The following SGCD variants were observed in gnomAD, a reference collection of about 807,000 sequenced individuals.
SGCD encodes sarcoglycan delta.
Under a neutral mutation model 36.6 loss-of-function variants are expected in SGCD, and 18 were observed. The observed-to-expected ratio is 0.49, with a 90% CI of 0.34 to 0.73. The LOEUF (loss-of-function observed/expected upper bound fraction) is 0.73, where lower values mean the gene tolerates loss of function less well. Ranked by LOEUF, SGCD falls within the 30% of genes least tolerant of loss-of-function variation. SGCD has a pLI of 0.01. For synonymous variants in SGCD, 133 were observed against 130.6 expected (o/e 1.02, Z -0.12); for missense variants, 387 against 346.7 (o/e 1.12, Z -0.92).
chr5:156,681,100 C>T (rs1273910257), intron 7 of SGCD, among the ~76,000 whole-genome samples: 2 of 152,202 alleles, frequency 1.3e-5, no homozygotes, highest in African/African-American at 4.8e-5. Flanking sequence ...GGCCAAGTGC[C>T]AATCAGATCA....
At chr5:155,947,293 T>TTGTGTG (rs56192140) in intron 1 of SGCD, among the ~76,000 whole-genome samples, 9 of 138,908 alleles carry the variant, frequency 6.5e-5, no homozygotes, top group South Asian at 2.5e-4. Context: ...ATAAATACTC[T>TTGTGTG]TGTGTGTGTG....
At chr5:156,304,616 G>T (rs1236775170) in intron 3 of SGCD, among the ~76,000 whole-genome samples, 1 of 152,164 alleles carries the variant, frequency 6.6e-6, no homozygotes. Flanking sequence ...CCAGTAGAGT[G>T]GGGCACTGCT....
intron 3 of SGCD, among the ~76,000 whole-genome samples, chr5:156,494,466 A>C (rs1258568299): frequency 6.6e-6 from 1 of 152,044 alleles, no homozygotes; most frequent in Non-Finnish European, 1.5e-5. Context: ...AAATTCCAAA[A>C]AAAAATTATT....
the SGCD span, among the ~76,000 whole-genome samples, chr5:155,770,935 A>G: frequency 6.6e-6 from 1 of 152,164 alleles, no homozygotes; most frequent in African/African-American, 2.4e-5. Flanking sequence ...ATCTCTCTTA[A>G]GTATTCTGGA....
intron 1 of SGCD, among the ~76,000 whole-genome samples, chr5:156,084,214 T>C (rs913787052): frequency 6.6e-6 from 1 of 152,214 alleles, no homozygotes; most frequent in African/African-American, 2.4e-5. Flanking sequence ...TGATAAATAG[T>C]CCATTCTATG....
At chr5:156,551,933 C>A (rs540910793) in intron 4 of SGCD, among the ~76,000 whole-genome samples, 1 of 152,260 alleles carries the variant, frequency 6.6e-6, no homozygotes, top group Admixed American at 6.5e-5. Flanking sequence ...CCTTTTCTAA[C>A]CGACCTGAAA....
At chr5:156,509,305 A>G (rs1333650536) in intron 4 of SGCD, among the ~76,000 whole-genome samples, 2 of 152,116 alleles carry the variant, frequency 1.3e-5, no homozygotes, top group African/African-American at 4.8e-5. Flanking sequence ...AGCACCTGTA[A>G]TCTTAGCTAC....
intron 3 of SGCD, among the ~76,000 whole-genome samples, chr5:156,437,736 G>A (rs1006244529): frequency 6.6e-6 from 1 of 152,158 alleles, no homozygotes. Context: ...CAGCCAACAG[G>A]GGAGATGGCA....
chr5:156,123,938 G>C (rs1044672181), exon 3 of SGCD: 1 of 152,128 alleles, frequency 6.6e-6, no homozygotes, highest in African/African-American at 2.4e-5. Flanking sequence ...CGTCCCTTTT[G>C]TGGTGGCCTG....
intron 7 of SGCD, among the ~76,000 whole-genome samples, chr5:156,697,602 T>C (rs1004946960): frequency 3.9e-5 from 6 of 152,240 alleles, no homozygotes; most frequent in Admixed American, 6.5e-5. Flanking sequence ...GCTCATATAC[T>C]ACCTTGGAGT....
At chr5:155,864,867 C>A in the SGCD span, among the ~76,000 whole-genome samples, 23 of 152,156 alleles carry the variant, frequency 1.5e-4, no homozygotes, top group Admixed American at 1.2e-3. Context: ...TCTTTTAGTA[C>A]AGATTATGCT....
chr5:156,578,291 G>T (rs553499103), intron 4 of SGCD, among the ~76,000 whole-genome samples: 69 of 152,286 alleles, frequency 4.5e-4, no homozygotes, highest in Admixed American at 9.8e-4. Flanking sequence ...TAAGCTTTTC[G>T]ATGTGCTGCT....
the SGCD span, among the ~76,000 whole-genome samples, chr5:155,821,874 TA>T: frequency 1.3e-5 from 2 of 152,208 alleles, no homozygotes; most frequent in African/African-American, 2.4e-5. Context: ...AAAGTGGAGA[TA>T]AAAATAATAA....
chr5:156,004,679 G>A lies in SGCD; in HGVS notation c.-281-113199G>A, dbSNP rs545253974. On this transcript the variant is annotated intron_variant, in intron 1 of 9. Transcript: ENST00000517913. ...CTTAGATTAAGCAAAGTTTGGCGCT[G>A]GATTTTCTTTCATATTGTTCTGTCA... is the stretch of plus-strand genomic sequence containing the variant. Among the ~76,000 whole-genome samples, 10 of 152,248 alleles carry A rather than the reference G, an allele frequency of 6.6e-5. No homozygotes were observed. The South Asian group carries it at 2.1e-3, about 32-fold the overall frequency.
rs912747892 is a variant in SGCD at position 156,061,874 on chromosome 5, G to C, written c.-281-56004G>C. Among the ~76,000 whole-genome samples, 21 of 138,528 alleles carry C rather than the reference G, an allele frequency of 1.5e-4. 1 individual carries two copies. Among genetic ancestry groups the C allele is most frequent in the African/African-American group, 5.3e-4 (21 of 39,352 alleles). The allele number at this position is 138,528 out of a possible 152,430, so 90.9% of individuals were successfully genotyped here. A position where few individuals can be genotyped will look rare whatever the true frequency, so the allele number is the denominator to read the frequency against. On this transcript the variant is annotated intron_variant, in intron 1 of 9. Transcript: ENST00000517913. ...TGTCTTTGAATAATTCAGTCATTGAGATTGGCAGGTAAAAGATATTTGGTG... is the reference window on the plus strand; with the variant it reads ...TGTCTTTGAATAATTCAGTCATTGACATTGGCAGGTAAAAGATATTTGGTG...
At chr5:155,996,488 A>C (rs1018963576) in intron 1 of SGCD, among the ~76,000 whole-genome samples, 3 of 152,170 alleles carry the variant, frequency 2.0e-5, no homozygotes, top group African/African-American at 7.2e-5. Context: ...GGAATATAAA[A>C]ACCAAAGGGC....
chr5:156,677,101 G>A (rs963124009), intron 7 of SGCD, among the ~76,000 whole-genome samples: 1 of 152,224 alleles, frequency 6.6e-6, no homozygotes. Context: ...CAGATGAGGA[G>A]TCAAAGACTT....
intron 4 of SGCD, among the ~76,000 whole-genome samples, chr5:156,552,657 C>G (rs1758846605): frequency 6.6e-6 from 1 of 152,068 alleles, no homozygotes; most frequent in Non-Finnish European, 1.5e-5. Flanking sequence ...ATAAGAACAT[C>G]CTCCTGCAGT....
At chr5:156,500,918 A>T (rs2127862492) in intron 3 of SGCD, among the ~76,000 whole-genome samples, 1 of 152,292 alleles carries the variant, frequency 6.6e-6, no homozygotes, top group East Asian at 1.9e-4. Flanking sequence ...AGAATTTTGC[A>T]GACATCCTGG....
Sources: allele counts gnomAD v4.1 joint callset (sites outside exome capture counted in the v4.1 genomes callset), GRCh38; gene constraint gnomAD v4.1.1; transcripts MANE v1.5; gene names NCBI Gene and HGNC (gene_info 2026-07-23, HGNC 2026-07-21).